OSBPL5: variants seen among roughly 807,000 people sequenced by gnomAD.
The protein encoded by OSBPL5 is oxysterol binding protein like 5, also known as oxysterol-binding protein-related protein 5.
In OSBPL5, 71 loss-of-function variants were observed where a neutral mutation model predicts 111.2. The observed-to-expected ratio is 0.64, with a 90% CI of 0.53 to 0.78. The LOEUF is 0.78. Among genes scored for constraint, OSBPL5 ranks in the 30% least tolerant of loss-of-function variants. The probability of loss-of-function intolerance (pLI) is 0.00; values close to 1 mark genes in which losing one functional copy is unlikely to be tolerated. For synonymous variants in OSBPL5, 549 were observed against 513.9 expected (o/e 1.07, Z -0.93); for missense variants, 1,210 against 1,189.3 (o/e 1.02, Z -0.26).
chr11:3,136,888 G>A (rs375822251), intron 1 of OSBPL5, among the ~76,000 whole-genome samples: 5 of 152,230 alleles, frequency 3.3e-5, no homozygotes, highest in Admixed American at 6.5e-5. Flanking sequence ...AGTAACATCC[G>A]GCACAGATGC....
chr11:3,133,420 G>A (rs1318145135), intron 1 of OSBPL5, among the ~76,000 whole-genome samples: 1 of 152,248 alleles, frequency 6.6e-6, no homozygotes, highest in East Asian at 1.9e-4. Flanking sequence ...CCACTGCCCT[G>A]CACTGCCTGC....
chr11:3,129,980 G>A (rs1157313489), intron 1 of OSBPL5, among the ~76,000 whole-genome samples: 1 of 152,208 alleles, frequency 6.6e-6, no homozygotes, highest in Non-Finnish European at 1.5e-5. Flanking sequence ...CGAGTTTCTT[G>A]TTTCCTCCCC....
At chr11:3,144,680 A>G (rs1294717938) in intron 1 of OSBPL5, among the ~76,000 whole-genome samples, 1 of 152,200 alleles carries the variant, frequency 6.6e-6, no homozygotes, top group Non-Finnish European at 1.5e-5. Flanking sequence ...CTTGGGGAAC[A>G]TTTTTATAAT....
At chr11:3,103,160 G>A in intron 11 of OSBPL5, 79 bp downstream of exon 11, 1 of 1,325,900 alleles carries the variant, frequency 7.5e-7, no homozygotes, top group Non-Finnish European at 1.0e-6. Context: ...CGGGGACTCA[G>A]GGAAGTGCCA....
At chr11:3,145,718 C>T (rs1396622524) in intron 1 of OSBPL5, among the ~76,000 whole-genome samples, 1 of 152,174 alleles carries the variant, frequency 6.6e-6, no homozygotes, top group Non-Finnish European at 1.5e-5. Context: ...ATTTACAGCC[C>T]CTGTGCAGTT....
At chr11:3,096,119 A>T (rs1389578398) in intron 14 of OSBPL5, among the ~76,000 whole-genome samples, 1 of 152,218 alleles carries the variant, frequency 6.6e-6, no homozygotes, top group Admixed American at 6.5e-5. Flanking sequence ...AGGGAGGGAC[A>T]TCAAGGAGAT....
chr11:3,131,162 G>A (rs538279992), intron 1 of OSBPL5, among the ~76,000 whole-genome samples: 1 of 152,204 alleles, frequency 6.6e-6, no homozygotes, highest in South Asian at 2.1e-4. Flanking sequence ...AAGGCCATAG[G>A]GGATCTTGGT....
chr11:3,133,986 G>T (rs563956336), intron 1 of OSBPL5, among the ~76,000 whole-genome samples: 1 of 130,010 alleles, frequency 7.7e-6, no homozygotes, highest in African/African-American at 4.8e-5. Flanking sequence ...GCTTGGTGGG[G>T]GGGGGGTCAC....
chr11:3,129,743 C>T (rs544455121), intron 1 of OSBPL5, among the ~76,000 whole-genome samples: 3 of 152,332 alleles, frequency 2.0e-5, no homozygotes, highest in Admixed American at 1.3e-4. Context: ...GGTGCCCCAA[C>T]AGTTTCAGTT....
chr11:3,150,061 TAC>T (rs1057203488), intron 1 of OSBPL5, among the ~76,000 whole-genome samples: 5 of 151,988 alleles, frequency 3.3e-5, no homozygotes, highest in African/African-American at 1.2e-4. Context: ...GACACACACG[TAC>T]ACACACACAG....
intron 7 of OSBPL5, 101 bp from the exon 8 acceptor site, chr11:3,108,046 GGACCCACCCCCTCCATCCCA>G (rs1564834604): frequency 2.7e-6 from 4 of 1,457,204 alleles, no homozygotes; most frequent in African/African-American, 1.4e-5. Flanking sequence ...GACTCTTCAG[GGACCCACCCCCTCCATCCCA>G]GACCCACCCC....
At position 3,107,592 on chromosome 11, in the gene OSBPL5, C is replaced by G; in HGVS notation, c.867-137G>C. ...TCACCTCCACAACCCACATTTGACA[C>G]GATCAGCCCCGTTTTAGAGGAAGGA... On this transcript the variant is annotated intron_variant, in intron 8 of 21. Transcript: ENST00000263650. This position sits in a 1 kb window ranked among gnomAD's most constrained non-coding sequence, Gnocchi z 6.1. The G allele has an allele frequency of 1.5e-6, 2 of 1,350,876 alleles. No homozygotes were observed. Among genetic ancestry groups the G allele is most frequent in the Non-Finnish European group, 2.1e-6 (2 of 972,816 alleles). 83.7% of individuals were successfully genotyped at this position (1,350,876 alleles called of 1,614,324 possible).
intron 14 of OSBPL5, among the ~76,000 whole-genome samples, chr11:3,095,395 T>A (rs1857223185): frequency 2.0e-5 from 3 of 151,796 alleles, no homozygotes. Context: ...TATTATTTCC[T>A]AGTGAAGGGA....
rs547109155 is a variant in OSBPL5, at chr11:3,107,232, C to T, written c.1059+31G>A. ...GAACAAGGGGCCGAGGCAGGGGAGA[C>T]GCTTGGGGCTCCTGGCTGGGGGGCT... On this transcript the variant is annotated intron_variant, in intron 9 of 21. Coordinates refer to ENST00000263650, the MANE Select transcript of OSBPL5 (RefSeq NM_020896.4). This position sits in a 1 kb window ranked among gnomAD's most constrained non-coding sequence, Gnocchi z 6.1. 129 of 1,603,584 alleles carry T rather than the reference C, an allele frequency of 8.0e-5. No homozygotes were observed. The East Asian group carries it at 1.9e-3, about 24-fold the overall frequency.
intron 1 of OSBPL5, among the ~76,000 whole-genome samples, chr11:3,134,692 C>G (rs1049323455): frequency 1.3e-5 from 2 of 152,242 alleles, no homozygotes; most frequent in Admixed American, 6.5e-5. Context: ...AAAGAATGTG[C>G]TCTGAGCAGA....
chr11:3,088,382 T>C, intron 21 of OSBPL5, 39 bp from the exon 22 acceptor site: 1 of 1,475,668 alleles, frequency 6.8e-7, no homozygotes, highest in South Asian at 1.4e-5. Context: ...GCTGTGCCAA[T>C]GCCAGCAAGT....
chr11:3,131,535 C>CCACCCATT (rs1858835538), intron 1 of OSBPL5, among the ~76,000 whole-genome samples: 1 of 144,326 alleles, frequency 6.9e-6, no homozygotes, highest in African/African-American at 2.6e-5. Context: ...ATTCATCCAT[C>CCACCCATT]CATCCATCCA....
Position 3,146,593 on chromosome 11 carries a change from C to T in OSBPL5, c.-21-17424G>A, listed in dbSNP as rs895144168. On this transcript the variant is annotated intron_variant, in intron 1 of 21. Transcript: ENST00000263650. The surrounding 1 kb of genome is among the most constrained non-coding windows in gnomAD (Gnocchi z 7.8). The stretch of plus-strand genomic sequence containing the variant: ...TCTTTCTGGCACCCGGTTTCCATCG[C>T]ACCCGGTTTCGGGCACTCCGTCGCT... 1 of 152,214 alleles carries T rather than the reference C, an allele frequency of 6.6e-6. No individual in the cohort carries two copies. The highest frequency in any genetic ancestry group is 2.4e-5 in the African/African-American group (1 of 41,420). 9.4% of individuals were successfully genotyped at this position (152,214 alleles called of 1,614,324 possible). A position where few individuals can be genotyped will look rare whatever the true frequency, so the allele number is the denominator to read the frequency against.
At chr11:3,108,341 G>A (rs1420168652) in intron 7 of OSBPL5, among the ~76,000 whole-genome samples, 4 of 152,164 alleles carry the variant, frequency 2.6e-5, no homozygotes, top group South Asian at 4.1e-4. Flanking sequence ...CAGAACACTC[G>A]GAACCAGCCT....
Sources: allele counts gnomAD v4.1 joint callset (sites outside exome capture counted in the v4.1 genomes callset), GRCh38; gene constraint gnomAD v4.1.1; non-coding constraint Gnocchi (gnomAD v3.1); transcripts MANE v1.5; gene names NCBI Gene and HGNC (gene_info 2026-07-23, HGNC 2026-07-21).